Variants in FBN1 observed in about 807,000 individuals in gnomAD.
FBN1 encodes fibrillin 1, also known as fibrillin-1.
In FBN1, 29 loss-of-function variants were observed where a neutral mutation model predicts 365.1. That is an observed-to-expected ratio of 0.08 (90% CI 0.06 to 0.11). FBN1 has a LOEUF of 0.11. FBN1 is among the 10% of genes least tolerant of loss of function. FBN1 has a pLI of 1.00. For missense variants in FBN1, 2,476 were observed against 3,703.2 expected, an observed-to-expected ratio of 0.67 and a Z score of 8.60; for synonymous variants, 1,210 against 1,270.5, an observed-to-expected ratio of 0.95 and a Z score of 1.01.
chr15:48,579,447 T>C (rs1443811127), intron 6 of FBN1, among the ~76,000 whole-genome samples: 3 of 152,200 alleles, frequency 2.0e-5, no homozygotes, highest in Non-Finnish European at 4.4e-5. Flanking sequence ...GTTGAATATA[T>C]AGCTCTACTA....
intron 11 of FBN1, among the ~76,000 whole-genome samples, 162 bp downstream of exon 11, chr15:48,516,021 G>A (rs1323066785): frequency 6.6e-6 from 1 of 152,092 alleles, no homozygotes. Flanking sequence ...TAGGAAAATT[G>A]AGACATACAT....
At chr15:48,453,965 A>T (rs536401371) in intron 44 of FBN1, among the ~76,000 whole-genome samples, 11 of 152,356 alleles carry the variant, frequency 7.2e-5, no homozygotes, top group Non-Finnish European at 1.2e-4. Flanking sequence ...TCTAAAAAAA[A>T]GTCATGAAAC....
intron 6 of FBN1, among the ~76,000 whole-genome samples, chr15:48,580,578 G>A (rs532621656): frequency 5.8e-4 from 88 of 152,216 alleles, no homozygotes; most frequent in African/African-American, 2.1e-3. Flanking sequence ...AGCACCCACA[G>A]GAAGGCATGG....
At chr15:48,592,460 T>C (rs2140706009) in intron 6 of FBN1, among the ~76,000 whole-genome samples, 1 of 152,232 alleles carries the variant, frequency 6.6e-6, no homozygotes, top group Admixed American at 6.5e-5. Context: ...ACTATGGCAA[T>C]ATACGACTAG....
At chr15:48,415,901 C>T (rs2141215270) in intron 63 of FBN1, 134 bp from the exon 64 acceptor site, 1 of 741,968 alleles carries the variant, frequency 1.3e-6, no homozygotes. Context: ...GCAGAGGTGG[C>T]TGGGTGGGGA....
chr15:48,557,556 G>A (rs1398514725), intron 6 of FBN1, among the ~76,000 whole-genome samples: 3 of 152,166 alleles, frequency 2.0e-5, no homozygotes, highest in East Asian at 1.9e-4. Context: ...CTGAGCAAGC[G>A]CCATTCAAGC....
chr15:48,513,922 C>G (rs1203092249), intron 12 of FBN1, among the ~76,000 whole-genome samples: 2 of 152,164 alleles, frequency 1.3e-5, no homozygotes, highest in Non-Finnish European at 2.9e-5. Flanking sequence ...ACAATCTGAT[C>G]TAATAAACAT....
Position 48,468,458 on chromosome 15 carries a change from G to A in FBN1, c.4536C>T (p.Asp1512=), listed in dbSNP as rs2043340995. 1 of 1,614,078 alleles carries A rather than the reference G, an allele frequency of 6.2e-7. No individual in the cohort carries two copies. The highest frequency in any genetic ancestry group is 8.5e-7 in the Non-Finnish European group (1 of 1,180,040). The change falls in exon 37 of 66, where the codon GAC becomes GAT. Residue 1512 remains aspartate (D), a synonymous_variant. Transcript: ENST00000316623. ...CVNTPGSYIC[D]CPPDFELNPT... ...GGTTCAGTTCAAAATCAGGTGGGCA[G>A]TCACAGATATAGCTGCCTGGAGTGT...
intron 2 of FBN1, among the ~76,000 whole-genome samples, chr15:48,636,062 C>T (rs964858734): frequency 6.6e-6 from 1 of 152,174 alleles, no homozygotes; most frequent in Non-Finnish European, 1.5e-5. Context: ...CCACTTTCTC[C>T]CCTCCCAGCA....
intron 2 of FBN1, among the ~76,000 whole-genome samples, chr15:48,627,846 T>C (rs961693012): frequency 6.6e-6 from 1 of 152,164 alleles, no homozygotes; most frequent in Admixed American, 6.5e-5. Flanking sequence ...GATGTCACAG[T>C]ATTTGTGTTT....
At chr15:48,600,090 T>A in intron 5 of FBN1, 49 bp downstream of exon 5, 1 of 1,330,068 alleles carries the variant, frequency 7.5e-7, no homozygotes, top group Non-Finnish European at 1.1e-6. Flanking sequence ...ATTCTACTTG[T>A]CTACAAACAG....
chr15:48,591,299 G>T (rs916037802), intron 6 of FBN1, among the ~76,000 whole-genome samples: 2 of 150,500 alleles, frequency 1.3e-5, no homozygotes, highest in African/African-American at 4.9e-5. Flanking sequence ...CTCCTCAAAA[G>T]GGAAAAAAAA....
chr15:48,455,034 T>A (rs182679755), intron 44 of FBN1, among the ~76,000 whole-genome samples: 23 of 152,322 alleles, frequency 1.5e-4, no homozygotes, highest in African/African-American at 5.1e-4. Context: ...AGCAGAGGCG[T>A]GGAAGCTCCC....
chr15:48,445,123 CATAT>C (rs931622804), intron 48 of FBN1, among the ~76,000 whole-genome samples: 5 of 138,188 alleles, frequency 3.6e-5, no homozygotes, highest in African/African-American at 1.0e-4. Flanking sequence ...TATATATACA[CATAT>C]ATATATATAC....
chr15:48,446,683 G>A, intron 47 of FBN1, 23 bp downstream of exon 47: 1 of 1,404,650 alleles, frequency 7.1e-7, no homozygotes, highest in Non-Finnish European at 1.0e-6. Flanking sequence ...TTCCTTTGCT[G>A]ATGCACAATT....
chr15:48,503,957 T>C lies in FBN1; in HGVS notation c.1961-18A>G. ...GTGTGTGTCTAAACAGGAAGAAGCATCTGTCATCACACTGTCACTTCAAAC... is the reference window on the plus strand; with the variant it reads ...GTGTGTGTCTAAACAGGAAGAAGCACCTGTCATCACACTGTCACTTCAAAC... On this transcript the variant is annotated intron_variant, in intron 16 of 65. Coordinates refer to ENST00000316623, the MANE Select transcript of FBN1 (RefSeq NM_000138.5). The C allele has an allele frequency of 6.2e-7, 1 of 1,613,910 alleles. No homozygotes were observed. The highest frequency in any genetic ancestry group is 1.3e-5 in the African/African-American group (1 of 75,050).
intron 3 of FBN1, 112 bp downstream of exon 3, chr15:48,612,898 T>A: frequency 1.2e-6 from 1 of 829,162 alleles, no homozygotes; most frequent in Non-Finnish European, 2.1e-6. Flanking sequence ...TGGAAGGCTG[T>A]ACTATCAACA....
Position 48,485,503 on chromosome 15 carries a change from G to A in FBN1, c.3590-7C>T. ...ATGCTGCATTCATCAATGTCTAAAA[G>A]AAATGAAAATAATATCACCTTCTGA... On this transcript the variant is annotated splice_polypyrimidine_tract_variant and splice_region_variant and intron_variant, in intron 29 of 65. Transcript: ENST00000316623. 6.2e-7 allele frequency: 1 copy of A among 1,614,046 alleles called. No homozygotes were observed. Among genetic ancestry groups the A allele is most frequent in the South Asian group, 1.1e-5 (1 of 91,068 alleles).
intron 7 of FBN1, among the ~76,000 whole-genome samples, chr15:48,536,910 C>T (rs2044017785): frequency 6.6e-6 from 1 of 152,164 alleles, no homozygotes; most frequent in African/African-American, 2.4e-5. Context: ...CTAAAGGAAA[C>T]AGATACAGGC....
Sources: allele counts gnomAD v4.1 joint callset (sites outside exome capture counted in the v4.1 genomes callset), GRCh38; gene constraint gnomAD v4.1.1; transcripts MANE v1.5; gene names NCBI Gene and HGNC (gene_info 2026-07-23, HGNC 2026-07-21).